The following C11orf42 variants were observed in gnomAD, a reference collection of about 807,000 sequenced individuals.
C11orf42 encodes the protein chromosome 11 open reading frame 42.
In C11orf42, 24 loss-of-function variants were observed where a neutral mutation model predicts 27.9. The ratio of observed to expected loss-of-function variants is 0.86; its 90% CI spans 0.62 to 1.21. C11orf42 has a LOEUF of 1.21. Ranked by LOEUF, C11orf42 falls within the 50% of genes most tolerant of loss-of-function variation. C11orf42 has a pLI of 0.00. For missense variants in C11orf42, 455 were observed against 424.1 expected, an observed-to-expected ratio of 1.07 and a Z score of -0.64; for synonymous variants, 187 against 180.8, an observed-to-expected ratio of 1.03 and a Z score of -0.28.
intron 1 of C11orf42, among the ~76,000 whole-genome samples, chr11:6,207,635 G>A (rs1231071422): frequency 2.0e-5 from 3 of 152,168 alleles, no homozygotes; most frequent in African/African-American, 7.2e-5. Flanking sequence ...CACCCAAAAG[G>A]AAGTGTTTTC....
At chr11:6,205,712 A>ACTTT in intron 1 of C11orf42, 25 bp downstream of exon 1, 2 of 1,601,524 alleles carry the variant, frequency 1.2e-6, no homozygotes, top group Non-Finnish European at 1.7e-6. Context: ...GAGGCTAAAG[A>ACTTT]GGAAGCAACG....
rs372251988 is a variant in C11orf42, at chr11:6,211,021, A to C, written c.981A>C (p.Ser327=). ...MSLPLLQGLS[S]EFDSDD ...TGCCCCTGCTGCAGGGTCTATCCTC[A>C]GAGTTCGACAGTGACGACTGAAGCT... Residue 327 remains serine, a synonymous_variant, in exon 3 of 3, where the codon TCA becomes TCC. Transcript: ENST00000316375. 250 of 1,610,160 alleles carry C rather than the reference A, an allele frequency of 1.6e-4. 2 individuals carry two copies. In the Middle Eastern group the frequency reaches 9.4e-3, roughly 61 times the overall value.
At position 6,207,209 on chromosome 11, in the gene C11orf42, C is replaced by T. The variant is rs572047765; in HGVS notation, c.72+1522C>T. Among the ~76,000 whole-genome samples, 7 of 152,230 alleles carry T rather than the reference C, an allele frequency of 4.6e-5. No individual in the cohort carries two copies. In the East Asian group the frequency reaches 1.2e-3, roughly 25 times the overall value. On this transcript the variant is annotated intron_variant, in intron 1 of 2. Transcript: ENST00000316375. The stretch of plus-strand genomic sequence containing the variant: ...TGATTCTACCAAGAACACAGTCTCC[C>T]TAACAAAGAACCGAGCTCCTTATTT...
chr11:6,210,404 A>G lies in C11orf42; in HGVS notation c.627A>G (p.Gly209=). ...CACTGCAGTCTAAGGGCGTGCTGGG[A>G]CCACAGAAGCCTCTCACTAAAGACC... is the stretch of plus-strand genomic sequence containing the variant. The part of the protein sequence containing the change: ...KFSLQSKGVL[G]PQKPLTKDPL... Residue 209 remains glycine (G), a synonymous_variant, in exon 2 of 3, where the codon GGA becomes GGG. Coordinates refer to ENST00000316375, the MANE Select transcript of C11orf42 (RefSeq NM_173525.3). This position sits in a 1 kb window ranked among gnomAD's most constrained non-coding sequence, Gnocchi z 4.0. 1 of 1,614,144 alleles carries G rather than the reference A, an allele frequency of 6.2e-7. No individual in the cohort carries two copies. The highest frequency in any genetic ancestry group is 8.5e-7 in the Non-Finnish European group (1 of 1,180,022).
Position 6,209,749 on chromosome 11 carries a change from T to C in C11orf42, c.73-101T>C, listed in dbSNP as rs899435549. 10 of 1,184,482 alleles carry C rather than the reference T, an allele frequency of 8.4e-6. No homozygotes were observed. The African/African-American group carries it at 1.5e-4, about 18-fold the overall frequency. 73.4% of individuals were successfully genotyped at this position (1,184,482 alleles called of 1,614,324 possible). A position where few individuals can be genotyped will look rare whatever the true frequency, so the allele number is the denominator to read the frequency against. On this transcript the variant is annotated intron_variant, in intron 1 of 2. Coordinates refer to ENST00000316375, the MANE Select transcript of C11orf42 (RefSeq NM_173525.3). ...GCAGAAAGCATAAATCTGAACACATTATAGAGATGTAACTGAACGTGAACC... is the reference window on the plus strand; with the variant it reads ...GCAGAAAGCATAAATCTGAACACATCATAGAGATGTAACTGAACGTGAACC...
intron 1 of C11orf42, among the ~76,000 whole-genome samples, chr11:6,205,939 G>A (rs1383626280): frequency 3.3e-5 from 5 of 152,148 alleles, no homozygotes; most frequent in African/African-American, 7.2e-5. Flanking sequence ...GAGGAGATAC[G>A]CTAAGTCAGG....
chr11:6,209,324 C>T (rs1847015047), intron 1 of C11orf42, among the ~76,000 whole-genome samples: 1 of 152,090 alleles, frequency 6.6e-6, no homozygotes, highest in African/African-American at 2.4e-5. Flanking sequence ...TTCCTGTGTG[C>T]CTTTCCCTCC....
Position 6,209,998 on chromosome 11 carries a change from T to G in C11orf42, c.221T>G (p.Leu74Arg). The G allele has an allele frequency of 6.2e-7, 1 of 1,614,050 alleles. No homozygotes were observed. Among genetic ancestry groups the G allele is most frequent in the Non-Finnish European group, 8.5e-7 (1 of 1,179,914 alleles). Residue 74 changes from leucine (L) to arginine (R), a missense_variant, in exon 2 of 3, where the codon CTG (leucine) becomes CGG (arginine). Physicochemically the swap from Leu to Arg is moderately radical, Grantham distance 102. Transcript: ENST00000316375. The stretch of plus-strand genomic sequence containing the variant: ...CCAGGTCGGCAGGGCCGGAGGGCAC[T>G]GAAACCAGTGGGGCCACTACCAAGC... ...ALPGRQGRRA[L>R]KPVGPLPSLL...
chr11:6,207,901 C>T (rs1846996390), intron 1 of C11orf42, among the ~76,000 whole-genome samples: 1 of 152,146 alleles, frequency 6.6e-6, no homozygotes, highest in South Asian at 2.1e-4. Flanking sequence ...ACAAAGAGGG[C>T]AATGCCATCA....
At position 6,210,115 on chromosome 11, in the gene C11orf42, C is replaced by T. The variant is rs758511346; in HGVS notation, c.338C>T (p.Thr113Met). ...CGAGCAGAGAGAGCCTATGAAGAGA[C>T]GCGAATGTTGGATGGACAGCCCTGC... ...NGRAERAYEE[T>M]RMLDGQPCKI... The change falls in exon 2 of 3, where the codon ACG (threonine) becomes ATG (methionine). Residue 113 changes from threonine to methionine, a missense_variant. Physicochemically the swap from Thr to Met is moderately conservative, Grantham distance 81. Coordinates refer to ENST00000316375, the MANE Select transcript of C11orf42 (RefSeq NM_173525.3). This position sits in a 1 kb window ranked among gnomAD's most constrained non-coding sequence, Gnocchi z 4.0. 3.1e-6 allele frequency: 5 copies of T among 1,614,078 alleles called. No homozygotes were observed. In the Admixed American group the frequency reaches 5.0e-5, roughly 16 times the overall value.
chr11:6,210,904 C>G lies in C11orf42; in HGVS notation c.872-8C>G. 1 of 1,600,460 alleles carries G rather than the reference C, an allele frequency of 6.2e-7. No homozygotes were observed. On this transcript the variant is annotated splice_polypyrimidine_tract_variant and splice_region_variant and intron_variant, in intron 2 of 2. Coordinates refer to ENST00000316375, the MANE Select transcript of C11orf42 (RefSeq NM_173525.3). This position sits in a 1 kb window ranked among gnomAD's most constrained non-coding sequence, Gnocchi z 4.0. ...GAGTCAAGCTGTGACTATCCCCAAC[C>G]CTGGCAGAGAACTGGCTCTTCAGCC... is the stretch of plus-strand genomic sequence containing the variant.
At chr11:6,207,655 A>G (rs1846993946) in intron 1 of C11orf42, among the ~76,000 whole-genome samples, 1 of 152,228 alleles carries the variant, frequency 6.6e-6, no homozygotes, top group South Asian at 2.1e-4. Context: ...CCAGTGAAGC[A>G]AAGGAGAAGG....
Position 6,210,428 on chromosome 11 carries a change from C to T in C11orf42, c.651C>T (p.Asp217=). 1.2e-6 allele frequency: 2 copies of T among 1,614,186 alleles called. No homozygotes were observed. Among genetic ancestry groups the T allele is most frequent in the Admixed American group, 3.3e-5 (2 of 60,030 alleles). ...GACCACAGAAGCCTCTCACTAAAGA[C>T]CCATTGCCCCATGGGGCCAACTGGG... ...VLGPQKPLTK[D]PLPHGANWVR... The change falls in exon 2 of 3, where the codon GAC becomes GAT. Residue 217 remains aspartate, a synonymous_variant. Coordinates refer to ENST00000316375, the MANE Select transcript of C11orf42 (RefSeq NM_173525.3). This position sits in a 1 kb window ranked among gnomAD's most constrained non-coding sequence, Gnocchi z 4.0.
At chr11:6,208,210 C>A (rs61876693) in intron 1 of C11orf42, among the ~76,000 whole-genome samples, 1 of 145,044 alleles carries the variant, frequency 6.9e-6, no homozygotes, top group African/African-American at 2.6e-5. Context: ...ACAAACAAAC[C>A]ACACACACAC....
At chr11:6,208,208 A>C (rs1380258002) in intron 1 of C11orf42, among the ~76,000 whole-genome samples, 1 of 151,012 alleles carries the variant, frequency 6.6e-6, no homozygotes, top group Non-Finnish European at 1.5e-5. Context: ...AAACAAACAA[A>C]CCACACACAC....
Position 6,210,553 on chromosome 11 carries a change from C to G in C11orf42, c.776C>G (p.Pro259Arg), listed in dbSNP as rs143899308. 6 of 1,613,808 alleles carry G rather than the reference C, an allele frequency of 3.7e-6. 1 individual carries two copies. Among genetic ancestry groups the G allele is most frequent in the Non-Finnish European group, 5.1e-6 (6 of 1,179,924 alleles). The change falls in exon 2 of 3, where the codon CCT (proline) becomes CGT (arginine). Residue 259 changes from proline (P) to arginine (R), a missense_variant. Coordinates refer to ENST00000316375, the MANE Select transcript of C11orf42 (RefSeq NM_173525.3). The surrounding 1 kb of genome is among the most constrained non-coding windows in gnomAD (Gnocchi z 4.0). ...GTGCCCCCACCTGTCCCAGCCCCAC[C>G]TACGCCACCTCCCCAGGAAGGGCCA... is the stretch of plus-strand genomic sequence containing the variant. ...ADVPPPVPAP[P>R]TPPPQEGPED...
At chr11:6,207,210 T>G (rs572936749) in intron 1 of C11orf42, among the ~76,000 whole-genome samples, 2 of 152,176 alleles carry the variant, frequency 1.3e-5, no homozygotes, top group South Asian at 2.1e-4. Context: ...ACAGTCTCCC[T>G]AACAAAGAAC....
chr11:6,206,097 G>A (rs1846976769), intron 1 of C11orf42, among the ~76,000 whole-genome samples: 1 of 152,094 alleles, frequency 6.6e-6, no homozygotes, highest in Non-Finnish European at 1.5e-5. Flanking sequence ...GGTGGTGAGT[G>A]TATAGTAATT....
Position 6,210,450 on chromosome 11 carries a change from T to C in C11orf42, c.673T>C (p.Trp225Arg), listed in dbSNP as rs773026629. 5 of 1,614,072 alleles carry C rather than the reference T, an allele frequency of 3.1e-6. No individual in the cohort carries two copies. Among genetic ancestry groups the C allele is most frequent in the Non-Finnish European group, 4.2e-6 (5 of 1,180,034 alleles). The part of the protein sequence containing the change: ...TKDPLPHGAN[W>R]VRPNLSIMPP... ...AGACCCATTGCCCCATGGGGCCAAC[T>C]GGGTCAGACCCAACCTCAGCATCAT... The change falls in exon 2 of 3, where the codon TGG (tryptophan) becomes CGG (arginine). Residue 225 changes from tryptophan (W) to arginine (R), a missense_variant. By Grantham distance (101) the Trp-to-Arg change is moderately radical. Transcript: ENST00000316375. The surrounding 1 kb of genome is among the most constrained non-coding windows in gnomAD (Gnocchi z 4.0).
Sources: allele counts gnomAD v4.1 joint callset (sites outside exome capture counted in the v4.1 genomes callset), GRCh38; gene constraint gnomAD v4.1.1; non-coding constraint Gnocchi (gnomAD v3.1); transcripts MANE v1.5; gene names NCBI Gene and HGNC (gene_info 2026-07-23, HGNC 2026-07-21).